The following MAP2 variants were observed in gnomAD, a reference collection of about 807,000 sequenced individuals.
The protein encoded by MAP2 is microtubule-associated protein 2.
Under a neutral mutation model 137.6 loss-of-function variants are expected in MAP2, and 14 were observed. The ratio of observed to expected loss-of-function variants is 0.10; its 90% confidence interval spans 0.07 to 0.16. The LOEUF is 0.16. Ranked by LOEUF, MAP2 falls within the 10% of genes least tolerant of loss-of-function variation. The pLI, the probability that MAP2 is intolerant of heterozygous loss-of-function variation, is 1.00. For missense variants in MAP2, 2,088 were observed against 2,191.5 expected, an observed-to-expected ratio of 0.95 and a Z score of 0.94; for synonymous variants, 786 against 782.3, an observed-to-expected ratio of 1.00 and a Z score of -0.08.
At chr2:209,665,163 TG>T (rs916234918) in intron 5 of MAP2, among the ~76,000 whole-genome samples, 1 of 151,954 alleles carries the variant, frequency 6.6e-6, no homozygotes, top group Non-Finnish European at 1.5e-5. Flanking sequence ...GTTCTGAAAT[TG>T]GGAGTGAGAG....
At chr2:209,530,419 CT>C (rs1215909605) in intron 2 of MAP2, among the ~76,000 whole-genome samples, 1 of 152,134 alleles carries the variant, frequency 6.6e-6, no homozygotes, top group Non-Finnish European at 1.5e-5. Context: ...CAGTTTTTGG[CT>C]TCTGCTGCAT....
intron 13 of MAP2, among the ~76,000 whole-genome samples, chr2:209,724,583 AAGAGAGAGAG>A (rs145497846): frequency 6.7e-6 from 1 of 149,106 alleles, no homozygotes; most frequent in Non-Finnish European, 1.5e-5. Context: ...TCAAGCAGTG[AAGAGAGAGAG>A]AGAGAGAGAG....
In MAP2 at chr2:209,583,676, C is replaced by T. The variant is rs191760060; in HGVS notation, c.-107+3576C>T. On this transcript the variant is annotated intron_variant, in intron 3 of 15. Transcript: ENST00000682079. ...TTCTCTACTTGCAAAGGAGTATTTACAGGAGAACATTTCCGGAGCTCAGTT... is the reference window on the plus strand; with the variant it reads ...TTCTCTACTTGCAAAGGAGTATTTATAGGAGAACATTTCCGGAGCTCAGTT... Among the ~76,000 whole-genome samples the T allele has an allele frequency of 3.2e-4, 49 of 151,940 alleles. 2 individuals carry two copies. The highest frequency in any genetic ancestry group is 3.2e-3 in the Admixed American group (49 of 15,246).
At chr2:209,536,633 C>T (rs1038173166) in intron 2 of MAP2, among the ~76,000 whole-genome samples, 14 of 152,116 alleles carry the variant, frequency 9.2e-5, no homozygotes, top group African/African-American at 1.4e-4. Flanking sequence ...TTGTCTGTGT[C>T]TTGGGTGATG....
At chr2:209,632,823 T>A (rs745676630) in intron 4 of MAP2, among the ~76,000 whole-genome samples, 13 of 152,226 alleles carry the variant, frequency 8.5e-5, no homozygotes, top group Middle Eastern at 6.8e-3. Flanking sequence ...GCCATCCTCT[T>A]CCTCACTCTT....
intron 4 of MAP2, among the ~76,000 whole-genome samples, chr2:209,633,036 A>G (rs1392365009): frequency 6.6e-6 from 1 of 152,146 alleles, no homozygotes; most frequent in Non-Finnish European, 1.5e-5. Context: ...AGAACACGTC[A>G]AAGCAGCTGT....
chr2:209,425,087 G>C (rs1413710168), intron 1 of MAP2, among the ~76,000 whole-genome samples: 1 of 151,754 alleles, frequency 6.6e-6, no homozygotes, highest in Non-Finnish European at 1.5e-5. Context: ...GGAGTGGGGA[G>C]CTGTATATTT....
intron 1 of MAP2, among the ~76,000 whole-genome samples, chr2:209,428,640 A>C (rs555335652): frequency 3.9e-4 from 59 of 152,014 alleles, no homozygotes; most frequent in Non-Finnish European, 7.4e-4. Context: ...ATTTAACATG[A>C]AGTTTTATGC....
At chr2:209,561,063 G>A (rs919541454) in intron 2 of MAP2, among the ~76,000 whole-genome samples, 1 of 152,102 alleles carries the variant, frequency 6.6e-6, no homozygotes, top group Admixed American at 6.6e-5. Flanking sequence ...TTCTGACTAT[G>A]GTGGCAAAAG....
Position 209,697,162 on chromosome 2 carries a change from A to G in MAP2, c.4522+111A>G, listed in dbSNP as rs948309248. 3.0e-5 allele frequency: 34 copies of G among 1,130,708 alleles called. 1 individual carries two copies. In the Middle Eastern group the frequency reaches 1.2e-3, roughly 42 times the overall value. The allele number at this position is 1,130,708 out of a possible 1,614,324, so 70.0% of individuals were successfully genotyped here. A position where few individuals can be genotyped will look rare whatever the true frequency, so the allele number is the denominator to read the frequency against. ...TTGTTTTTCTTCCAAGAATCTCAGC[A>G]GTCATGAACAATTTTGCTATTAAGT... On this transcript the variant is annotated intron_variant, in intron 10 of 15. Coordinates refer to ENST00000682079, the MANE Select transcript of MAP2 (RefSeq NM_001375505.1).
chr2:209,533,166 G>A (rs1383206277), intron 2 of MAP2, among the ~76,000 whole-genome samples: 5 of 151,602 alleles, frequency 3.3e-5, no homozygotes, highest in Admixed American at 3.3e-4. Context: ...TTATTTTTGA[G>A]ATGGGGTTTC....
At chr2:209,591,425 T>C (rs2079210049) in intron 3 of MAP2, among the ~76,000 whole-genome samples, 1 of 152,186 alleles carries the variant, frequency 6.6e-6, no homozygotes, top group African/African-American at 2.4e-5. Context: ...TATCTCCTTC[T>C]ACAAGAATTT....
intron 1 of MAP2, among the ~76,000 whole-genome samples, chr2:209,460,877 T>G (rs36003754): frequency 0.054 from 8,136 of 151,888 alleles, 238 homozygotes; most frequent in South Asian, 0.076. Context: ...GCCTCCCGAG[T>G]AGCTGGGATT....
intron 1 of MAP2, among the ~76,000 whole-genome samples, chr2:209,452,609 T>C (rs1700574128): frequency 6.6e-6 from 1 of 152,174 alleles, no homozygotes; most frequent in African/African-American, 2.4e-5. Flanking sequence ...TGGATTAGAA[T>C]AAAACCATAT....
chr2:209,615,941 G>A (rs1045777059), intron 3 of MAP2, among the ~76,000 whole-genome samples: 4 of 152,244 alleles, frequency 2.6e-5, no homozygotes, highest in African/African-American at 7.2e-5. Flanking sequence ...TCCCCATTCT[G>A]AGTTCATAAA....
chr2:209,517,986 A>G (rs536813477), intron 2 of MAP2, among the ~76,000 whole-genome samples: 1 of 152,124 alleles, frequency 6.6e-6, no homozygotes, highest in South Asian at 2.1e-4. Context: ...ATGGGCATGT[A>G]TTTTTACCAG....
At chr2:209,610,200 C>A (rs1041637207) in intron 3 of MAP2, among the ~76,000 whole-genome samples, 4 of 151,824 alleles carry the variant, frequency 2.6e-5, no homozygotes, top group African/African-American at 9.7e-5. Flanking sequence ...CCAAGCAGAG[C>A]AAGAGCACAT....
At chr2:209,454,943 A>T (rs1315111084) in intron 1 of MAP2, among the ~76,000 whole-genome samples, 1 of 152,170 alleles carries the variant, frequency 6.6e-6, no homozygotes, top group African/African-American at 2.4e-5. Flanking sequence ...GTGCCAGAAG[A>T]TTCAGTTCCT....
chr2:209,492,930 A>G (rs1364752972), intron 1 of MAP2, among the ~76,000 whole-genome samples: 1 of 152,234 alleles, frequency 6.6e-6, no homozygotes, highest in African/African-American at 2.4e-5. Context: ...CAGAATTAGG[A>G]AAAAGCTACT....
Sources: allele counts gnomAD v4.1 joint callset (sites outside exome capture counted in the v4.1 genomes callset), GRCh38; gene constraint gnomAD v4.1.1; transcripts MANE v1.5; gene names NCBI Gene and HGNC (gene_info 2026-07-23, HGNC 2026-07-21).